The following FAM222B variants were observed in gnomAD, a reference collection of about 807,000 sequenced individuals.
FAM222B encodes the protein family with sequence similarity 222 member B.
FAM222B carries 12 observed loss-of-function variants against 38.0 expected under a neutral mutation model. The ratio of observed to expected loss-of-function variants is 0.32; its 90% CI spans 0.20 to 0.51. The LOEUF (loss-of-function observed/expected upper bound fraction) is 0.51. Ranked by LOEUF, FAM222B falls within the 20% of genes least tolerant of loss-of-function variation. FAM222B has a pLI of 0.97. For missense variants in FAM222B, 716 were observed against 754.2 expected (o/e 0.95, Z 0.59); for synonymous variants, 329 against 317.2 (o/e 1.04, Z -0.40).
At chr17:28,838,574 T>A (rs565563906) in intron 1 of FAM222B, among the ~76,000 whole-genome samples, 1 of 148,250 alleles carries the variant, frequency 6.7e-6, no homozygotes, top group African/African-American at 2.5e-5. Flanking sequence ...AGACTCCATC[T>A]CAAAATAAAT....
chr17:28,829,318 T>C (rs1486348095), intron 1 of FAM222B, among the ~76,000 whole-genome samples: 1 of 151,518 alleles, frequency 6.6e-6, no homozygotes, highest in Non-Finnish European at 1.5e-5. Context: ...GGGTTCAAGC[T>C]GCGCCACCAC....
At chr17:28,798,525 G>C (rs2037050457) in intron 1 of FAM222B, among the ~76,000 whole-genome samples, 1 of 152,160 alleles carries the variant, frequency 6.6e-6, no homozygotes, top group African/African-American at 2.4e-5. Flanking sequence ...GTTAGTTTCA[G>C]TGCAAGACAG....
intron 2 of FAM222B, 60 bp downstream of exon 2, chr17:28,766,526 C>T (rs568681910): frequency 1.4e-6 from 2 of 1,445,432 alleles, no homozygotes; most frequent in Admixed American, 2.0e-5. Flanking sequence ...TCAAGGACGG[C>T]CCAAATGTAG....
intron 1 of FAM222B, among the ~76,000 whole-genome samples, chr17:28,774,962 A>ATAAAT (rs1299136909): frequency 6.6e-6 from 1 of 150,784 alleles, no homozygotes; most frequent in Non-Finnish European, 1.5e-5. Context: ...AATTAAATAA[A>ATAAAT]TAAATAAATA....
In FAM222B at chr17:28,817,611, C is replaced by T. The variant is rs559316184; in HGVS notation, c.-41+25071G>A. ...GTGGTCGCCTATAATCCCAGCTACT[C>T]GGGAGGCTGAGGCAGGAGAATCGCT... On this transcript the variant is annotated intron_variant, in intron 1 of 2. Coordinates refer to ENST00000581407, the MANE Select transcript of FAM222B (RefSeq NM_001077498.3). Among the ~76,000 whole-genome samples, 7 of 152,104 alleles carry T rather than the reference C, an allele frequency of 4.6e-5. No homozygotes were observed. The South Asian group carries it at 1.2e-3, about 27-fold the overall frequency.
intron 1 of FAM222B, chr17:28,777,028 C>T (rs1458092014): frequency 2.0e-5 from 3 of 152,172 alleles, no homozygotes; most frequent in Non-Finnish European, 2.9e-5. Context: ...CCAACTAGTA[C>T]ATTTCACTAT....
intron 1 of FAM222B, among the ~76,000 whole-genome samples, chr17:28,790,642 G>C (rs1483169105): frequency 6.6e-6 from 1 of 152,124 alleles, no homozygotes; most frequent in East Asian, 1.9e-4. Flanking sequence ...CATATAACTG[G>C]TATAATAACA....
At chr17:28,818,075 T>A (rs1297800130) in intron 1 of FAM222B, among the ~76,000 whole-genome samples, 1 of 152,028 alleles carries the variant, frequency 6.6e-6, no homozygotes, top group Non-Finnish European at 1.5e-5. Flanking sequence ...TTAAAAGGCA[T>A]GAAGGTGGGG....
At chr17:28,828,287 G>A (rs1446360022) in intron 1 of FAM222B, among the ~76,000 whole-genome samples, 2 of 151,286 alleles carry the variant, frequency 1.3e-5, no homozygotes, top group African/African-American at 4.9e-5. Flanking sequence ...AGTGAGCTGG[G>A]CACAGAGGCT....
chr17:28,795,994 G>A (rs915358080), intron 1 of FAM222B, among the ~76,000 whole-genome samples: 3 of 152,110 alleles, frequency 2.0e-5, no homozygotes, highest in Admixed American at 6.6e-5. Context: ...TCTCTTCCAA[G>A]GAAGGACAGT....
At chr17:28,827,182 C>T (rs1483911143) in intron 1 of FAM222B, among the ~76,000 whole-genome samples, 1 of 151,824 alleles carries the variant, frequency 6.6e-6, no homozygotes, top group Non-Finnish European at 1.5e-5. Flanking sequence ...CATATTGAAA[C>T]CCCATCTCCA....
intron 1 of FAM222B, among the ~76,000 whole-genome samples, chr17:28,770,550 GCAC>G (rs1021645470): frequency 6.7e-6 from 1 of 150,284 alleles, no homozygotes; most frequent in Admixed American, 6.6e-5. Context: ...TTACAGGTAT[GCAC>G]CACCATGCCC....
In FAM222B at chr17:28,759,365, G is replaced by A. The variant is rs2034935555; in HGVS notation, c.594C>T (p.His198=). The change falls in exon 3 of 3, where the codon CAC becomes CAT. Residue 198 remains histidine, a synonymous_variant. Coordinates refer to ENST00000581407, the MANE Select transcript of FAM222B (RefSeq NM_001077498.3). This position sits in a 1 kb window ranked among gnomAD's most constrained non-coding sequence, Gnocchi z 4.8. ...CCTGGGTTTGGGCCATGGGCTGAGGGTGGCCCAGGCCCTGAGGCTGCTGGA... is the reference window on the plus strand; with the variant it reads ...CCTGGGTTTGGGCCATGGGCTGAGGATGGCCCAGGCCCTGAGGCTGCTGGA... ...QSLQQPQGLG[H]PQPMAQTQGL... is the part of the protein sequence containing the mutation. 6.2e-6 allele frequency: 10 copies of A among 1,609,002 alleles called. No homozygotes were observed. Among genetic ancestry groups the A allele is most frequent in the Non-Finnish European group, 7.6e-6 (9 of 1,178,210 alleles).
chr17:28,758,453 A>T lies in FAM222B; in HGVS notation c.1506T>A (p.Gly502=). The T allele has an allele frequency of 6.2e-7, 1 of 1,613,452 alleles. No homozygotes were observed. The highest frequency in any genetic ancestry group is 2.2e-5 in the East Asian group (1 of 44,868). ...TCAAGCTGTTCTGGCTTGCCACTGG[A>T]CCGCCCCCGGTCCCTGCTCGGTAGT... The part of the protein sequence containing the change: ...GAHYRAGTGG[G]PVASQNSLMQ... Residue 502 remains glycine, a synonymous_variant, in exon 3 of 3, where the codon GGT becomes GGA. Coordinates refer to ENST00000581407, the MANE Select transcript of FAM222B (RefSeq NM_001077498.3).
chr17:28,839,435 A>C (rs929714114), intron 1 of FAM222B, among the ~76,000 whole-genome samples: 3 of 152,186 alleles, frequency 2.0e-5, no homozygotes, highest in Admixed American at 2.0e-4. Context: ...CAAGTAGGAA[A>C]GATAACAGAA....
chr17:28,759,142 TG>T lies in FAM222B; in HGVS notation c.816del (p.Asn273ThrfsTer116). 6.2e-7 allele frequency: 1 copy of T among 1,612,450 alleles called. No individual in the cohort carries two copies. The highest frequency in any genetic ancestry group is 8.5e-7 in the Non-Finnish European group (1 of 1,179,272). On this transcript the variant is annotated frameshift_variant, in exon 3 of 3. Coordinates refer to ENST00000581407, the MANE Select transcript of FAM222B (RefSeq NM_001077498.3). LOFTEE classifies it high-confidence loss of function. The surrounding 1 kb of genome is among the most constrained non-coding windows in gnomAD (Gnocchi z 4.8). ...CCTGCCCTCGTCTGGCAAAACTGGT[TG>T]ATCTGGTGCACGATGCTACTCAGGT... ...PPDLSSIVHQINQFCQTRAGI... is the reference protein window; with the variant it reads ...PPDLSSIVHQXNQFCQTRAGI...
rs1435208668 is a variant in FAM222B, at chr17:28,758,531, G to A, written c.1428C>T (p.His476=). The change falls in exon 3 of 3, where the codon CAC becomes CAT. Residue 476 remains histidine, a synonymous_variant. Coordinates refer to ENST00000581407, the MANE Select transcript of FAM222B (RefSeq NM_001077498.3). ...GGGGTGCACCTGTGGGCTGCCCACC[G>A]TGGAACGGCATGGCAAGGTCCTGAG... ...SGSQDLAMPF[H]GGQPTGAPLD... is the part of the protein sequence containing the mutation. 28 of 1,610,918 alleles carry A rather than the reference G, an allele frequency of 1.7e-5. No homozygotes were observed. The highest frequency in any genetic ancestry group is 8.9e-5 in the East Asian group (4 of 44,886).
upstream of FAM222B, among the ~76,000 whole-genome samples, chr17:28,847,024 G>A (rs2152636327): frequency 6.6e-6 from 1 of 151,980 alleles, no homozygotes; most frequent in South Asian, 2.1e-4. Flanking sequence ...AGGAGTTCGA[G>A]ACCAGCCTGA....
At position 28,758,761 on chromosome 17, in the gene FAM222B, C is replaced by A; in HGVS notation, c.1198G>T (p.Gly400Trp). Residue 400 changes from glycine to tryptophan, a missense_variant, in exon 3 of 3, where the codon GGG becomes TGG. Physicochemically the swap from Gly to Trp is radical, Grantham distance 184. Coordinates refer to ENST00000581407, the MANE Select transcript of FAM222B (RefSeq NM_001077498.3). ...GKHAAGRELA[G>W]PGFVGKAPAY... ...GGGGCCTTGCCCACAAAGCCAGGCC[C>A]TGCCAACTCGCGTCCTGCCGCATGC... The A allele has an allele frequency of 6.4e-7, 1 of 1,573,990 alleles. No homozygotes were observed. Among genetic ancestry groups the A allele is most frequent in the East Asian group, 2.3e-5 (1 of 42,704 alleles).
Sources: gnomAD v4.1 joint callset for allele counts (sites outside exome capture counted in the v4.1 genomes callset) on GRCh38, gnomAD v4.1.1 for gene constraint, Gnocchi (gnomAD v3.1) non-coding constraint, MANE v1.5 for transcripts, NCBI Gene and HGNC (gene_info 2026-07-23, HGNC 2026-07-21) for gene names.